The following PPP1R14A variants were observed in gnomAD, a reference collection of about 807,000 sequenced individuals.
The protein encoded by PPP1R14A is protein phosphatase 1 regulatory inhibitor subunit 14A, also known as protein phosphatase 1 regulatory subunit 14A.
Under a neutral mutation model 14.1 loss-of-function variants are expected in PPP1R14A, and 9 were observed. The observed-to-expected ratio is 0.64, with a 90% confidence interval of 0.38 to 1.11. The LOEUF is 1.11. Among genes scored for constraint, PPP1R14A ranks in the 50% most tolerant of loss-of-function variants. The pLI, the probability that PPP1R14A is intolerant of heterozygous loss-of-function variation, is 0.01. For missense variants in PPP1R14A, 208 were observed against 200.7 expected (o/e 1.04, Z -0.22); for synonymous variants, 93 against 88.7 (o/e 1.05, Z -0.27).
chr19:38,256,077 T>G lies in PPP1R14A; in HGVS notation c.201+62A>C. On this transcript the variant is annotated intron_variant, in intron 1 of 3. Coordinates refer to ENST00000301242, the MANE Select transcript of PPP1R14A (RefSeq NM_033256.3). This position sits in a 1 kb window ranked among gnomAD's most constrained non-coding sequence, Gnocchi z 5.7. ...AGTGTGCACCGAGACCCCAAGGGCGTGGGGTCTCCGCGCCCGGGCTCTATC... is the reference window on the plus strand; with the variant it reads ...AGTGTGCACCGAGACCCCAAGGGCGGGGGGTCTCCGCGCCCGGGCTCTATC... 7.0e-7 allele frequency: 1 copy of G among 1,430,046 alleles called. No individual in the cohort carries two copies. Among genetic ancestry groups the G allele is most frequent in the Non-Finnish European group, 9.4e-7 (1 of 1,068,924 alleles). The allele number at this position is 1,430,046 out of a possible 1,614,324, so 88.6% of individuals were successfully genotyped here.
rs1221399687 is a variant in PPP1R14A, at chr19:38,252,370, A to G, written c.283-32T>C. On this transcript the variant is annotated intron_variant, in intron 2 of 3. Coordinates refer to ENST00000301242, the MANE Select transcript of PPP1R14A (RefSeq NM_033256.3). This position sits in a 1 kb window ranked among gnomAD's most constrained non-coding sequence, Gnocchi z 4.1. ...CCCCCAACCAAGAACAAAACAAAAC[A>G]GTAAATGACTAACACCTACTCCCCT... 1.2e-6 allele frequency: 2 copies of G among 1,608,792 alleles called. No homozygotes were observed. Among genetic ancestry groups the G allele is most frequent in the South Asian group, 1.1e-5 (1 of 90,386 alleles).
intron 1 of PPP1R14A, among the ~76,000 whole-genome samples, chr19:38,253,877 A>T (rs1486022332): frequency 2.0e-5 from 3 of 152,212 alleles, no homozygotes; most frequent in African/African-American, 7.2e-5. Flanking sequence ...GGGACCTGGC[A>T]TCGTGCAGTG....
In PPP1R14A at chr19:38,256,242, C is replaced by G; in HGVS notation, c.98G>C (p.Arg33Pro). Residue 33 changes from arginine to proline, a missense_variant, in exon 1 of 4, where the codon CGG (arginine) becomes CCG (proline). Arg to Pro is a moderately radical substitution (Grantham distance 103). Transcript: ENST00000301242. This position sits in a 1 kb window ranked among gnomAD's most constrained non-coding sequence, Gnocchi z 5.7. ...PGGSPGGLQK[R>P]HARVTVKYDR... ...ATACTTGACGGTGACGCGCGCGTGCCGCTTCTGCAGCCCCCCGGGACTGCC... is the reference window on the plus strand; with the variant it reads ...ATACTTGACGGTGACGCGCGCGTGCGGCTTCTGCAGCCCCCCGGGACTGCC... 1 of 1,550,920 alleles carries G rather than the reference C, an allele frequency of 6.4e-7. No individual in the cohort carries two copies. The highest frequency in any genetic ancestry group is 8.7e-7 in the Non-Finnish European group (1 of 1,153,108).
chr19:38,254,359 C>A (rs575008536), intron 1 of PPP1R14A, among the ~76,000 whole-genome samples: 1 of 150,778 alleles, frequency 6.6e-6, no homozygotes, highest in African/African-American at 2.5e-5. Flanking sequence ...GGGTGGAGTA[C>A]AATGGCGCGA....
intron 3 of PPP1R14A, 84 bp from the exon 4 acceptor site, chr19:38,251,530 C>T: frequency 1.5e-6 from 2 of 1,329,364 alleles, no homozygotes; most frequent in Non-Finnish European, 2.0e-6. Flanking sequence ...CTGACCTGGG[C>T]GCCTCCTCCT....
intron 1 of PPP1R14A, among the ~76,000 whole-genome samples, chr19:38,254,194 G>A (rs770862315): frequency 1.3e-5 from 2 of 152,200 alleles, no homozygotes; most frequent in East Asian, 1.9e-4. Flanking sequence ...AAGGCCAGGC[G>A]CAGTGGCTCA....
chr19:38,252,211 G>A lies in PPP1R14A; in HGVS notation c.315+95C>T. 1 of 1,256,902 alleles carries A rather than the reference G, an allele frequency of 8.0e-7. No individual in the cohort carries two copies. Among genetic ancestry groups the A allele is most frequent in the Non-Finnish European group, 1.1e-6 (1 of 881,054 alleles). The allele number at this position is 1,256,902 out of a possible 1,614,324, so 77.9% of individuals were successfully genotyped here. A position where few individuals can be genotyped will look rare whatever the true frequency, so the allele number is the denominator to read the frequency against. On this transcript the variant is annotated intron_variant, in intron 3 of 3. Transcript: ENST00000301242. The surrounding 1 kb of genome is among the most constrained non-coding windows in gnomAD (Gnocchi z 4.1). The stretch of plus-strand genomic sequence containing the variant: ...GGGCCGGGGGTGGTGGGGCCGGGTG[G>A]TGTTCCCCAGAGACCCTTCTGCCAG...
chr19:38,252,200 G>A lies in PPP1R14A; in HGVS notation c.315+106C>T. The A allele has an allele frequency of 1.8e-6, 2 of 1,116,308 alleles. No individual in the cohort carries two copies. Among genetic ancestry groups the A allele is most frequent in the Non-Finnish European group, 2.6e-6 (2 of 757,496 alleles). 69.2% of individuals were successfully genotyped at this position (1,116,308 alleles called of 1,614,324 possible). A position where few individuals can be genotyped will look rare whatever the true frequency, so the allele number is the denominator to read the frequency against. On this transcript the variant is annotated intron_variant, in intron 3 of 3. Coordinates refer to ENST00000301242, the MANE Select transcript of PPP1R14A (RefSeq NM_033256.3). This position sits in a 1 kb window ranked among gnomAD's most constrained non-coding sequence, Gnocchi z 4.1. ...AGGGCAGGTTGGGGCCGGGGGTGGT[G>A]GGGCCGGGTGGTGTTCCCCAGAGAC...
chr19:38,251,297 G>T lies in PPP1R14A; in HGVS notation c.*21C>A, dbSNP rs766438779. 6.9e-7 allele frequency: 1 copy of T among 1,450,530 alleles called. No individual in the cohort carries two copies. Among genetic ancestry groups the T allele is most frequent in the Non-Finnish European group, 9.0e-7 (1 of 1,110,150 alleles). The allele number at this position is 1,450,530 out of a possible 1,614,324, so 89.9% of individuals were successfully genotyped here. A position where few individuals can be genotyped will look rare whatever the true frequency, so the allele number is the denominator to read the frequency against. ...CAAGCAAGCTGGGCGGCGTCCGGGG[G>T]GCAGGGAGAGTGCAAGAGGGTCAGG... On this transcript the variant is annotated 3_prime_UTR_variant, in exon 4 of 4. Transcript: ENST00000301242.
Position 38,256,348 on chromosome 19 carries a change from T to C in PPP1R14A, c.-9A>G. 6.8e-7 allele frequency: 1 copy of C among 1,466,934 alleles called. No homozygotes were observed. The highest frequency in any genetic ancestry group is 9.0e-7 in the Non-Finnish European group (1 of 1,114,974). The allele number at this position is 1,466,934 out of a possible 1,614,324, so 90.9% of individuals were successfully genotyped here. On this transcript the variant is annotated 5_prime_UTR_variant, in exon 1 of 4. Coordinates refer to ENST00000301242, the MANE Select transcript of PPP1R14A (RefSeq NM_033256.3). This position sits in a 1 kb window ranked among gnomAD's most constrained non-coding sequence, Gnocchi z 5.7. ...AGCCGCTGAGCTGCCATCGCGCTGC[T>C]GGACCCAGCCTGGCCCCGCGCTGTG...
rs1321156253 is a variant in PPP1R14A, at chr19:38,252,316, TTCCCACATGA to T, written c.295_304del (p.Ser99AsnfsTer68). On this transcript the variant is annotated frameshift_variant, in exon 3 of 4. Transcript: ENST00000301242. LOFTEE classifies it high-confidence loss of function. This position sits in a 1 kb window ranked among gnomAD's most constrained non-coding sequence, Gnocchi z 4.1. ...GGAGAGAAAACTCACCTCGACAGGT[TTCCCACATGA>T]CTTCAGGAGTCCCTAAAACCCCCAA... 3 of 1,612,336 alleles carry T rather than the reference TTCCCACATGA, an allele frequency of 1.9e-6. No homozygotes were observed. Among genetic ancestry groups the T allele is most frequent in the African/African-American group, 2.7e-5 (2 of 74,804 alleles).
At position 38,252,206 on chromosome 19, in the gene PPP1R14A, G is replaced by A. The variant is rs12983492; in HGVS notation, c.315+100C>T. ...GGTTGGGGCCGGGGGTGGTGGGGCCGGGTGGTGTTCCCCAGAGACCCTTCT... is the reference window on the plus strand; with the variant it reads ...GGTTGGGGCCGGGGGTGGTGGGGCCAGGTGGTGTTCCCCAGAGACCCTTCT... On this transcript the variant is annotated intron_variant, in intron 3 of 3. Coordinates refer to ENST00000301242, the MANE Select transcript of PPP1R14A (RefSeq NM_033256.3). This position sits in a 1 kb window ranked among gnomAD's most constrained non-coding sequence, Gnocchi z 4.1. 0.11 allele frequency: 134,252 copies of A among 1,183,226 alleles called. 8,782 individuals carry two copies. The highest frequency in any genetic ancestry group is 0.23 in the East Asian group (8,924 of 39,344). The allele number at this position is 1,183,226 out of a possible 1,614,324, so 73.3% of individuals were successfully genotyped here. A position where few individuals can be genotyped will look rare whatever the true frequency, so the allele number is the denominator to read the frequency against.
At chr19:38,254,466 G>A (rs997557863) in intron 1 of PPP1R14A, among the ~76,000 whole-genome samples, 2 of 151,872 alleles carry the variant, frequency 1.3e-5, no homozygotes, top group Non-Finnish European at 2.9e-5. Flanking sequence ...CACCATGCCC[G>A]GCTAATTTTT....
In PPP1R14A at chr19:38,256,199, C is replaced by G; in HGVS notation, c.141G>C (p.Gln47His). 1.9e-6 allele frequency: 3 copies of G among 1,550,188 alleles called. No homozygotes were observed. The highest frequency in any genetic ancestry group is 2.6e-6 in the Non-Finnish European group (3 of 1,151,564). ...VTVKYDRREL[Q>H]RRLDVEKWID... ...TCCACTTCTCCACGTCCAGCCGCCGCTGCAGCTCCCGCCGGTCATACTTGA... is the reference window on the plus strand; with the variant it reads ...TCCACTTCTCCACGTCCAGCCGCCGGTGCAGCTCCCGCCGGTCATACTTGA... Residue 47 changes from glutamine (Q) to histidine (H), a missense_variant, in exon 1 of 4, where the codon CAG becomes CAC. Physicochemically the swap from Gln to His is conservative, Grantham distance 24. Transcript: ENST00000301242. The surrounding 1 kb of genome is among the most constrained non-coding windows in gnomAD (Gnocchi z 5.7).
In PPP1R14A at chr19:38,252,032, G is replaced by T; in HGVS notation, c.315+274C>A. On this transcript the variant is annotated intron_variant, in intron 3 of 3. Transcript: ENST00000301242. The surrounding 1 kb of genome is among the most constrained non-coding windows in gnomAD (Gnocchi z 4.1). Reference sequence around the variant, plus strand: ...AGAGGGAGACTGAGCCCGAAGGCTGGTGGCCAAAGGACAGGCACAGGAGAG... The same window carrying T: ...AGAGGGAGACTGAGCCCGAAGGCTGTTGGCCAAAGGACAGGCACAGGAGAG... 1.9e-6 allele frequency: 1 copy of T among 530,554 alleles called. No individual in the cohort carries two copies. The highest frequency in any genetic ancestry group is 3.4e-6 in the Non-Finnish European group (1 of 296,518). 32.9% of individuals were successfully genotyped at this position (530,554 alleles called of 1,614,324 possible).
At chr19:38,255,397 T>G (rs74999202) in intron 1 of PPP1R14A, among the ~76,000 whole-genome samples, 1 of 152,128 alleles carries the variant, frequency 6.6e-6, no homozygotes, top group Non-Finnish European at 1.5e-5. Context: ...ACAAAATGCG[T>G]GAGCCACTGT....
chr19:38,256,213 G>A lies in PPP1R14A; in HGVS notation c.127C>T (p.Arg43Trp). The change falls in exon 1 of 4, where the codon CGG becomes TGG. Residue 43 changes from arginine (R) to tryptophan (W), a missense_variant. Transcript: ENST00000301242. This position sits in a 1 kb window ranked among gnomAD's most constrained non-coding sequence, Gnocchi z 5.7. ...TCCAGCCGCCGCTGCAGCTCCCGCC[G>A]GTCATACTTGACGGTGACGCGCGCG... ...RHARVTVKYDRRELQRRLDVE... is the reference protein window; with the variant it reads ...RHARVTVKYDWRELQRRLDVE... 6.4e-7 allele frequency: 1 copy of A among 1,555,308 alleles called. No homozygotes were observed. The highest frequency in any genetic ancestry group is 8.7e-7 in the Non-Finnish European group (1 of 1,154,306).
At position 38,251,369 on chromosome 19, in the gene PPP1R14A, G is replaced by T; in HGVS notation, c.393C>A (p.His131Gln). ...QPGLRQPSPS[H>Q]DGSLSPLQDR... The stretch of plus-strand genomic sequence containing the variant: ...CCTGGAGGGGGCTGAGGCTGCCGTC[G>T]TGGGAGGGGCTTGGCTGGCGGAGGC... The change falls in exon 4 of 4, where the codon CAC (histidine) becomes CAA (glutamine). Residue 131 changes from histidine to glutamine, a missense_variant. Transcript: ENST00000301242. 6.4e-7 allele frequency: 1 copy of T among 1,558,882 alleles called. No individual in the cohort carries two copies.
At position 38,252,798 on chromosome 19, in the gene PPP1R14A, C is replaced by T. The variant is rs1968204029; in HGVS notation, c.282+96G>A. 14 of 922,456 alleles carry T rather than the reference C, an allele frequency of 1.5e-5. No homozygotes were observed. Among genetic ancestry groups the T allele is most frequent in the Admixed American group, 6.9e-5 (4 of 58,166 alleles). The allele number at this position is 922,456 out of a possible 1,614,324, so 57.1% of individuals were successfully genotyped here. ...CATGTAAAGCCATCACACCAGTGCC[C>T]GGCATCTAGTGAGCACTCAGTAAAC... On this transcript the variant is annotated intron_variant, in intron 2 of 3. Transcript: ENST00000301242. This position sits in a 1 kb window ranked among gnomAD's most constrained non-coding sequence, Gnocchi z 4.1.
Sources: gnomAD v4.1 joint callset for allele counts (sites outside exome capture counted in the v4.1 genomes callset) on GRCh38, gnomAD v4.1.1 for gene constraint, Gnocchi (gnomAD v3.1) non-coding constraint, MANE v1.5 for transcripts, NCBI Gene and HGNC (gene_info 2026-07-23, HGNC 2026-07-21) for gene names.